Variants in MRPL1 observed in about 807,000 individuals in gnomAD.
MRPL1 encodes mitochondrial ribosomal protein L1, also known as large ribosomal subunit protein uL1m.
MRPL1 carries 28 observed loss-of-function variants against 38.0 expected under a neutral mutation model. The ratio of observed to expected loss-of-function variants is 0.74; its 90% CI spans 0.55 to 1.01. The LOEUF is 1.01. Among genes scored for constraint, MRPL1 ranks in the 50% least tolerant of loss-of-function variants. The probability of loss-of-function intolerance (pLI) is 0.00; values close to 1 mark genes in which losing one functional copy is unlikely to be tolerated. For missense variants in MRPL1, 358 were observed against 389.8 expected (o/e 0.92, Z 0.69); for synonymous variants, 123 against 126.7 (o/e 0.97, Z 0.20).
chr4:77,917,629 C>A (rs762161846), intron 7 of MRPL1, among the ~76,000 whole-genome samples: 2 of 152,046 alleles, frequency 1.3e-5, no homozygotes, highest in Non-Finnish European at 2.9e-5. Context: ...TGTAAAAATA[C>A]TGGCTCTGAT....
At chr4:77,866,699 G>T (rs149489551) in intron 1 of MRPL1, among the ~76,000 whole-genome samples, 1 of 150,686 alleles carries the variant, frequency 6.6e-6, no homozygotes, top group East Asian at 1.9e-4. Flanking sequence ...TGGTGTTTGC[G>T]TGGCTAACTT....
intron 7 of MRPL1, among the ~76,000 whole-genome samples, chr4:77,946,696 T>A (rs1392833291): frequency 2.0e-5 from 3 of 152,150 alleles, no homozygotes; most frequent in African/African-American, 4.8e-5. Flanking sequence ...CCATTCAGGG[T>A]CCCTGACTTC....
At chr4:77,917,063 G>A (rs1052354549) in intron 7 of MRPL1, among the ~76,000 whole-genome samples, 1 of 152,168 alleles carries the variant, frequency 6.6e-6, no homozygotes, top group Non-Finnish European at 1.5e-5. Context: ...AAAAATTTCA[G>A]TGTGAACATT....
At chr4:77,904,470 C>T (rs1736109027) in intron 6 of MRPL1, among the ~76,000 whole-genome samples, 1 of 152,118 alleles carries the variant, frequency 6.6e-6, no homozygotes, top group Non-Finnish European at 1.5e-5. Flanking sequence ...AGGAGAATCA[C>T]TTGAACCTGG....
At chr4:77,906,004 T>C (rs993514102) in intron 6 of MRPL1, among the ~76,000 whole-genome samples, 3 of 152,148 alleles carry the variant, frequency 2.0e-5, no homozygotes, top group Non-Finnish European at 4.4e-5. Context: ...GAGATAAGCA[T>C]TTAGAAGTTA....
At chr4:77,887,382 A>C in intron 5 of MRPL1, 91 bp downstream of exon 5, 20 of 1,057,268 alleles carry the variant, frequency 1.9e-5, no homozygotes, top group Non-Finnish European at 2.6e-5. Context: ...CACTAGTCTC[A>C]TATCTTATGA....
chr4:77,920,856 TG>T (rs1311743577), intron 7 of MRPL1, among the ~76,000 whole-genome samples: 2 of 152,108 alleles, frequency 1.3e-5, no homozygotes, highest in African/African-American at 4.8e-5. Context: ...TTCACCTCTT[TG>T]TTTCAACTGA....
At chr4:77,948,405 A>T (rs78309910) in intron 7 of MRPL1, among the ~76,000 whole-genome samples, 1,957 of 152,310 alleles carry the variant, frequency 0.013, 53 homozygotes, top group African/African-American at 0.045. Flanking sequence ...ACTTGCTTCA[A>T]TGTAAATTAA....
intron 4 of MRPL1, among the ~76,000 whole-genome samples, chr4:77,886,412 G>A (rs1031199119): frequency 7.9e-5 from 12 of 151,366 alleles, no homozygotes; most frequent in African/African-American, 2.4e-4. Flanking sequence ...TTGGCTTACC[G>A]CAACCTCTGC....
chr4:77,914,867 T>C (rs1447487150), intron 7 of MRPL1, among the ~76,000 whole-genome samples: 7 of 152,146 alleles, frequency 4.6e-5, no homozygotes, highest in African/African-American at 1.7e-4. Context: ...CAGGGGTCAA[T>C]AAATGACAAC....
intron 7 of MRPL1, among the ~76,000 whole-genome samples, chr4:77,936,690 T>C (rs1736989060): frequency 6.6e-6 from 1 of 152,206 alleles, no homozygotes; most frequent in Non-Finnish European, 1.5e-5. Flanking sequence ...TTTACTGCCT[T>C]ACCATTTACT....
At chr4:77,923,243 G>A (rs1227325558) in intron 7 of MRPL1, among the ~76,000 whole-genome samples, 1 of 151,674 alleles carries the variant, frequency 6.6e-6, no homozygotes, top group Non-Finnish European at 1.5e-5. Flanking sequence ...TTATAGGTGC[G>A]CACCACCATA....
intron 7 of MRPL1, among the ~76,000 whole-genome samples, chr4:77,943,350 G>A (rs566865030): frequency 2.8e-4 from 42 of 152,126 alleles, no homozygotes; most frequent in African/African-American, 8.9e-4. Flanking sequence ...TGATGACTAC[G>A]TGTCTAGGCA....
intron 1 of MRPL1, among the ~76,000 whole-genome samples, chr4:77,869,306 C>A (rs1040098087): frequency 2.0e-5 from 3 of 152,064 alleles, no homozygotes; most frequent in Non-Finnish European, 4.4e-5. Context: ...CTCAGTAGTT[C>A]AGGAAGTTCT....
In MRPL1 at chr4:77,949,832, G is replaced by A; in HGVS notation, c.813G>A (p.Leu271=). Residue 271 remains leucine (L), a synonymous_variant, in exon 8 of 9, where the codon CTG becomes CTA. Transcript: ENST00000315567. ...DMSSDQIAAN[L]QAVINEVCRH... is the part of the protein sequence containing the mutation. Reference sequence around the variant, plus strand: ...CAAGTGACCAGATAGCTGCCAATCTGCAAGCAGTTATTAATGAAGTTTGTA... The same window carrying A: ...CAAGTGACCAGATAGCTGCCAATCTACAAGCAGTTATTAATGAAGTTTGTA... 6.2e-7 allele frequency: 1 copy of A among 1,611,058 alleles called. No individual in the cohort carries two copies. Among genetic ancestry groups the A allele is most frequent in the Non-Finnish European group, 8.5e-7 (1 of 1,178,424 alleles).
At chr4:77,927,703 A>C (rs1736746378) in intron 7 of MRPL1, among the ~76,000 whole-genome samples, 1 of 151,964 alleles carries the variant, frequency 6.6e-6, no homozygotes, top group Non-Finnish European at 1.5e-5. Flanking sequence ...ATGATGAAAA[A>C]CCTCTTTAAA....
intron 6 of MRPL1, among the ~76,000 whole-genome samples, chr4:77,901,021 T>C (rs1272056623): frequency 1.3e-5 from 2 of 152,164 alleles, no homozygotes; most frequent in East Asian, 3.8e-4. Context: ...GGATCTAGAA[T>C]GATTTCCTAA....
intron 7 of MRPL1, 47 bp from the exon 8 acceptor site, chr4:77,949,750 C>T (rs753134036): frequency 8.0e-7 from 1 of 1,252,128 alleles, no homozygotes; most frequent in Non-Finnish European, 1.1e-6. Flanking sequence ...AATTTATTAT[C>T]TTCTTGCTTT....
At chr4:77,880,258 T>A (rs1300683173) in intron 2 of MRPL1, among the ~76,000 whole-genome samples, 1 of 152,154 alleles carries the variant, frequency 6.6e-6, no homozygotes, top group Non-Finnish European at 1.5e-5. Context: ...TTCCTTGCAA[T>A]CCCCAGCTTC....
Sources: allele counts gnomAD v4.1 joint callset (sites outside exome capture counted in the v4.1 genomes callset), GRCh38; gene constraint gnomAD v4.1.1; transcripts MANE v1.5; gene names NCBI Gene and HGNC (gene_info 2026-07-23, HGNC 2026-07-21).